Variants in AGAP1 observed in about 807,000 individuals in gnomAD.
The protein encoded by AGAP1 is arf-GAP with GTPase, ANK repeat and PH domain-containing protein 1.
A neutral mutation model predicts 105.3 loss-of-function variants in AGAP1; 29 were observed. The observed-to-expected ratio is 0.28, with a 90% confidence interval of 0.21 to 0.38. The LOEUF (loss-of-function observed/expected upper bound fraction) is 0.38, where lower values mean the gene tolerates loss of function less well. Ranked by LOEUF, AGAP1 falls within the 10% of genes least tolerant of loss-of-function variation. AGAP1 has a pLI of 1.00. For synonymous variants in AGAP1, 509 were observed against 485.9 expected, an observed-to-expected ratio of 1.05 and a Z score of -0.63; for missense variants, 998 against 1,165.1, an observed-to-expected ratio of 0.86 and a Z score of 2.09.
intron 6 of AGAP1, among the ~76,000 whole-genome samples, chr2:235,794,581 C>T (rs931854614): frequency 3.3e-5 from 5 of 152,162 alleles, no homozygotes; most frequent in Admixed American, 1.3e-4. Context: ...AAGTGATTCT[C>T]GTGCCTCAGC....
chr2:235,615,541 C>T lies in AGAP1; in HGVS notation c.164-93638C>T, dbSNP rs760960115. Among the ~76,000 whole-genome samples the T allele has an allele frequency of 3.3e-5, 5 of 152,190 alleles. No individual in the cohort carries two copies. Among genetic ancestry groups the T allele is most frequent in the Non-Finnish European group, 4.4e-5 (3 of 68,046 alleles). ...AATGCACATTTGGCATGATTCTCAT[C>T]TCTGAGCCATTGCAACCTATTTTTT... On this transcript the variant is annotated intron_variant, in intron 1 of 17. Transcript: ENST00000304032. The surrounding 1 kb of genome is among the most constrained non-coding windows in gnomAD (Gnocchi z 5.0).
chr2:235,865,703 C>T lies in AGAP1; in HGVS notation c.1051-17642C>T, dbSNP rs1026128528. The stretch of plus-strand genomic sequence containing the variant: ...GGAAATATTACTATTTTAAAAAGCT[C>T]AGTTAAGGGGGGATTCCTGCTGTTC... On this transcript the variant is annotated intron_variant, in intron 9 of 17. Transcript: ENST00000304032. This position sits in a 1 kb window ranked among gnomAD's most constrained non-coding sequence, Gnocchi z 6.2. Among the ~76,000 whole-genome samples the T allele has an allele frequency of 9.9e-5, 15 of 152,114 alleles. No homozygotes were observed. The highest frequency in any genetic ancestry group is 3.4e-4 in the African/African-American group (14 of 41,408).
chr2:235,916,556 A>C (rs1410013402), intron 11 of AGAP1, among the ~76,000 whole-genome samples: 3 of 152,188 alleles, frequency 2.0e-5, no homozygotes, highest in Non-Finnish European at 2.9e-5. Context: ...TCGGAGTCCA[A>C]ATCACTGAAT....
rs1171234523 is a variant in AGAP1, at chr2:235,879,545, C to T, written c.1051-3800C>T. Among the ~76,000 whole-genome samples, 5 of 152,174 alleles carry T rather than the reference C, an allele frequency of 3.3e-5. No homozygotes were observed. The highest frequency in any genetic ancestry group is 7.4e-5 in the Non-Finnish European group (5 of 68,024). The stretch of plus-strand genomic sequence containing the variant: ...GTTAAGTTTACTTATTTAATAAGAT[C>T]TTAAGTTTATTGAGAGTTTTCCTAG... On this transcript the variant is annotated intron_variant, in intron 9 of 17. Coordinates refer to ENST00000304032, the MANE Select transcript of AGAP1 (RefSeq NM_001037131.3). The surrounding 1 kb of genome is among the most constrained non-coding windows in gnomAD (Gnocchi z 5.0).
chr2:235,962,598 T>G lies in AGAP1; in HGVS notation c.1484-5864T>G, dbSNP rs2054237717. ...CTGGTAGCAAGCCTGGGTGAGACCA[T>G]GAGAGAGGGTGTCTGAGGTCCAGGG... On this transcript the variant is annotated intron_variant, in intron 12 of 17. Coordinates refer to ENST00000304032, the MANE Select transcript of AGAP1 (RefSeq NM_001037131.3). The surrounding 1 kb of genome is among the most constrained non-coding windows in gnomAD (Gnocchi z 5.3). 6.6e-6 allele frequency among the ~76,000 whole-genome samples: 1 copy of G among 151,628 alleles called. No individual in the cohort carries two copies. The highest frequency in any genetic ancestry group is 2.4e-5 in the African/African-American group (1 of 41,254).
chr2:235,906,214 A>C lies in AGAP1; in HGVS notation c.1156-2524A>C, dbSNP rs1051609330. On this transcript the variant is annotated intron_variant, in intron 10 of 17. Transcript: ENST00000304032. The surrounding 1 kb of genome is among the most constrained non-coding windows in gnomAD (Gnocchi z 5.3). ...ACCTCTGCTCCCGGCCTCTGGGCTGATGTGAGATGCACGCGTGCCAGGGTT... is the reference window on the plus strand; with the variant it reads ...ACCTCTGCTCCCGGCCTCTGGGCTGCTGTGAGATGCACGCGTGCCAGGGTT... Among the ~76,000 whole-genome samples, 5 of 152,084 alleles carry C rather than the reference A, an allele frequency of 3.3e-5. No individual in the cohort carries two copies. Among genetic ancestry groups the C allele is most frequent in the African/African-American group, 4.8e-5 (2 of 41,414 alleles).
rs189252455 is a variant in AGAP1 at position 235,703,734 on chromosome 2, T to C, written c.164-5445T>C. 2.6e-4 allele frequency among the ~76,000 whole-genome samples: 40 copies of C among 152,198 alleles called. No individual in the cohort carries two copies. The East Asian group carries it at 7.6e-3, about 29-fold the overall frequency. On this transcript the variant is annotated intron_variant, in intron 1 of 17. Coordinates refer to ENST00000304032, the MANE Select transcript of AGAP1 (RefSeq NM_001037131.3). ...TGCCTTAGCCTCCAAGTACCTGGGA[T>C]TACAGGCACCTGCCACCATGCCCGG...
rs535285500 is a variant in AGAP1 at position 235,751,784 on chromosome 2, A to G, written c.673+1296A>G. On this transcript the variant is annotated intron_variant, in intron 6 of 17. Transcript: ENST00000304032. The surrounding 1 kb of genome is among the most constrained non-coding windows in gnomAD (Gnocchi z 5.3). ...GCACGTTGGTCCTAGTTACTGCTTC[A>G]TGGCTTAGGTTTCTTCTCGCCTTAT... 1.8e-4 allele frequency among the ~76,000 whole-genome samples: 27 copies of G among 152,248 alleles called. No homozygotes were observed. Among genetic ancestry groups the G allele is most frequent in the Admixed American group, 5.2e-4 (8 of 15,304 alleles).
At chr2:235,630,309 G>A (rs1946785529) in intron 1 of AGAP1, among the ~76,000 whole-genome samples, 1 of 152,018 alleles carries the variant, frequency 6.6e-6, no homozygotes, top group Non-Finnish European at 1.5e-5. Context: ...TGCTTCCCGG[G>A]TTCATCCAAT....
intron 15 of AGAP1, among the ~76,000 whole-genome samples, chr2:236,041,809 G>T (rs1018080437): frequency 6.6e-6 from 1 of 152,214 alleles, no homozygotes; most frequent in East Asian, 1.9e-4. Context: ...GCTGACCATG[G>T]AGCTAAGCGC....
At position 235,721,725 on chromosome 2, in the gene AGAP1, C is replaced by G. The variant is rs997415514; in HGVS notation, c.310+4081C>G. Among the ~76,000 whole-genome samples the G allele has an allele frequency of 2.8e-4, 42 of 152,158 alleles. No individual in the cohort carries two copies. The highest frequency in any genetic ancestry group is 9.4e-4 in the African/African-American group (39 of 41,426). ...TTAGTGTGTGCATATCCTTTATATT[C>G]TAATCCTGACCCATGGCTGGGATAT... On this transcript the variant is annotated intron_variant, in intron 3 of 17. Transcript: ENST00000304032. The surrounding 1 kb of genome is among the most constrained non-coding windows in gnomAD (Gnocchi z 4.5).
Position 236,128,746 on chromosome 2 carries a change from G to T in AGAP1, c.*4624G>T, listed in dbSNP as rs1157285374. Reference sequence around the variant, plus strand: ...AGGTGGGAAGCCTGGCAACGATGTAGCTTCCCCTGAGATGCGGTATGATCA... The same window carrying T: ...AGGTGGGAAGCCTGGCAACGATGTATCTTCCCCTGAGATGCGGTATGATCA... On this transcript the variant is annotated 3_prime_UTR_variant, in exon 18 of 18. Coordinates refer to ENST00000304032, the MANE Select transcript of AGAP1 (RefSeq NM_001037131.3). The surrounding 1 kb of genome is among the most constrained non-coding windows in gnomAD (Gnocchi z 5.9). 1 of 152,198 alleles carries T rather than the reference G, an allele frequency of 6.6e-6. No individual in the cohort carries two copies. The highest frequency in any genetic ancestry group is 1.5e-5 in the Non-Finnish European group (1 of 68,046). The allele number at this position is 152,198 out of a possible 1,614,324, so 9.4% of individuals were successfully genotyped here.
At chr2:236,064,700 C>A (rs1214267459) in intron 16 of AGAP1, among the ~76,000 whole-genome samples, 3 of 152,192 alleles carry the variant, frequency 2.0e-5, no homozygotes, top group African/African-American at 7.2e-5. Flanking sequence ...CCAGGATCAG[C>A]TCCCACCAGC....
rs1206219828 is a variant in AGAP1 at position 235,494,438 on chromosome 2, G to A, written c.-249G>A. ...CGCTCCATGGGGGCGCGCTCCCCCC[G>A]GGCGGCCCGCTGACCCGGGACGCCG... On this transcript the variant is annotated 5_prime_UTR_variant, in exon 1 of 18. Transcript: ENST00000304032. 7.0e-6 allele frequency: 1 copy of A among 143,702 alleles called. No individual in the cohort carries two copies. Among genetic ancestry groups the A allele is most frequent in the Non-Finnish European group, 1.5e-5 (1 of 64,728 alleles). 8.9% of individuals were successfully genotyped at this position (143,702 alleles called of 1,614,324 possible).
At chr2:235,784,140 A>G (rs1410938944) in intron 6 of AGAP1, among the ~76,000 whole-genome samples, 1 of 152,152 alleles carries the variant, frequency 6.6e-6, no homozygotes, top group South Asian at 2.1e-4. Flanking sequence ...GGGGAAATCA[A>G]AAAAATTGTT....
At chr2:235,584,925 T>TTTTA (rs60407184) in intron 1 of AGAP1, among the ~76,000 whole-genome samples, 60 of 145,874 alleles carry the variant, frequency 4.1e-4, no homozygotes, top group African/African-American at 1.5e-3. Context: ...TTTTTTTTTT[T>TTTTA]AAAGAAAACC....
intron 1 of AGAP1, among the ~76,000 whole-genome samples, chr2:235,523,996 T>A (rs1942729262): frequency 6.6e-6 from 1 of 152,162 alleles, no homozygotes; most frequent in Non-Finnish European, 1.5e-5. Context: ...CTCACCACCC[T>A]GTGACCTGGC....
chr2:235,863,431 T>G lies in AGAP1; in HGVS notation c.1051-19914T>G, dbSNP rs534915257. ...AAGTTACCTTGCGCCCTACAGAACC[T>G]TCAAAATCTGGTGTGTAGTTCACCT... On this transcript the variant is annotated intron_variant, in intron 9 of 17. Transcript: ENST00000304032. Among the ~76,000 whole-genome samples, 8 of 152,350 alleles carry G rather than the reference T, an allele frequency of 5.3e-5. No individual in the cohort carries two copies. The South Asian group carries it at 1.7e-3, about 32-fold the overall frequency.
Position 236,101,697 on chromosome 2 carries a change from C to T in AGAP1, c.2115-18495C>T, listed in dbSNP as rs896034390. 5.3e-5 allele frequency among the ~76,000 whole-genome samples: 8 copies of T among 152,214 alleles called. No individual in the cohort carries two copies. The highest frequency in any genetic ancestry group is 1.2e-4 in the African/African-American group (5 of 41,454). Reference sequence around the variant, plus strand: ...ATGTTCCAAAGCCGATCACATCAGCCGCTGTTATGGTGAACGGAATTCACT... The same window carrying T: ...ATGTTCCAAAGCCGATCACATCAGCTGCTGTTATGGTGAACGGAATTCACT... On this transcript the variant is annotated intron_variant, in intron 16 of 17. Coordinates refer to ENST00000304032, the MANE Select transcript of AGAP1 (RefSeq NM_001037131.3). This position sits in a 1 kb window ranked among gnomAD's most constrained non-coding sequence, Gnocchi z 4.9.
Sources: allele counts gnomAD v4.1 joint callset (sites outside exome capture counted in the v4.1 genomes callset), GRCh38; gene constraint gnomAD v4.1.1; non-coding constraint Gnocchi (gnomAD v3.1); transcripts MANE v1.5; gene names NCBI Gene and HGNC (gene_info 2026-07-23, HGNC 2026-07-21).